Variants in GPR158 observed in about 807,000 individuals in gnomAD.
GPR158 encodes G protein-coupled receptor 158, also known as metabotropic glycine receptor.
A neutral mutation model predicts 78.2 loss-of-function variants in GPR158; 30 were observed. The ratio of observed to expected loss-of-function variants is 0.38; its 90% confidence interval spans 0.29 to 0.52. The LOEUF (loss-of-function observed/expected upper bound fraction) is 0.52. Ranked by LOEUF, GPR158 falls within the 20% of genes least tolerant of loss-of-function variation. The pLI is 0.83. For synonymous variants in GPR158, 581 were observed against 591.1 expected (o/e 0.98, Z 0.25); for missense variants, 1,463 against 1,523.5 (o/e 0.96, Z 0.66).
chr10:25,422,051 C>T (rs1834759148), intron 4 of GPR158, among the ~76,000 whole-genome samples: 2 of 152,098 alleles, frequency 1.3e-5, no homozygotes, highest in South Asian at 2.1e-4. Context: ...ATCCTCAAGT[C>T]GTTTGTTCAG....
chr10:25,399,716 A>G (rs112247816), intron 3 of GPR158, among the ~76,000 whole-genome samples: 1,645 of 152,346 alleles, frequency 0.011, 8 homozygotes, highest in Non-Finnish European at 0.016. Flanking sequence ...CTGACTAGGA[A>G]TATGAGCTCT....
intron 2 of GPR158, among the ~76,000 whole-genome samples, chr10:25,368,548 C>T (rs1242856553): frequency 6.6e-6 from 1 of 151,752 alleles, no homozygotes; most frequent in Non-Finnish European, 1.5e-5. Context: ...CCATCTGAAC[C>T]AGTAAGAATG....
intron 4 of GPR158, among the ~76,000 whole-genome samples, chr10:25,428,058 G>C (rs1306376242): frequency 6.6e-6 from 1 of 151,842 alleles, no homozygotes; most frequent in Non-Finnish European, 1.5e-5. Flanking sequence ...AAATTATGTT[G>C]GATTGCTTTA....
intron 2 of GPR158, among the ~76,000 whole-genome samples, chr10:25,326,712 G>A (rs187228737): frequency 6.6e-6 from 1 of 152,266 alleles, no homozygotes; most frequent in Non-Finnish European, 1.5e-5. Context: ...ATAATAACGT[G>A]TTGTATACTT....
chr10:25,362,976 G>T (rs10828774), intron 2 of GPR158, among the ~76,000 whole-genome samples: 99,615 of 151,588 alleles, frequency 0.66, 33,749 homozygotes, highest in Non-Finnish European at 0.75. Flanking sequence ...CACCTAAGGT[G>T]TCTCTTGTTC....
intron 5 of GPR158, among the ~76,000 whole-genome samples, chr10:25,470,852 A>G (rs1224117735): frequency 6.6e-6 from 1 of 152,154 alleles, no homozygotes; most frequent in African/African-American, 2.4e-5. Flanking sequence ...TGTTGCTACT[A>G]TAATCTTTTT....
chr10:25,467,513 T>A (rs1225725214), intron 5 of GPR158, among the ~76,000 whole-genome samples: 2 of 152,178 alleles, frequency 1.3e-5, no homozygotes, highest in Admixed American at 6.5e-5. Flanking sequence ...AATATTATGA[T>A]TTTCTTCTTT....
intron 7 of GPR158, among the ~76,000 whole-genome samples, chr10:25,576,986 A>AAAAAAAAGTC (rs1190989889): frequency 6.6e-6 from 1 of 150,792 alleles, no homozygotes; most frequent in African/African-American, 2.4e-5. Flanking sequence ...AAAAAAAAAA[A>AAAAAAAAGTC]AGTCAGGGCA....
At chr10:25,537,771 G>A (rs1836519339) in intron 5 of GPR158, among the ~76,000 whole-genome samples, 1 of 151,998 alleles carries the variant, frequency 6.6e-6, no homozygotes, top group South Asian at 2.1e-4. Flanking sequence ...TCTCATGATA[G>A]TGAGTTCTCA....
chr10:25,351,718 T>C (rs1287320163), intron 2 of GPR158, among the ~76,000 whole-genome samples: 1 of 150,748 alleles, frequency 6.6e-6, no homozygotes, highest in Admixed American at 6.6e-5. Context: ...TTCTTTTTTT[T>C]TTTTTTTAAT....
chr10:25,326,765 ATAAG>A (rs1208951899), intron 2 of GPR158, among the ~76,000 whole-genome samples: 1 of 152,132 alleles, frequency 6.6e-6, no homozygotes, highest in Non-Finnish European at 1.5e-5. Context: ...TTTACTATAA[ATAAG>A]TATATAAGGT....
At chr10:25,410,555 G>A (rs1053394345) in intron 3 of GPR158, among the ~76,000 whole-genome samples, 1 of 152,172 alleles carries the variant, frequency 6.6e-6, no homozygotes, top group Non-Finnish European at 1.5e-5. Flanking sequence ...GGCAGAGATT[G>A]CAGTGAGCCG....
intron 2 of GPR158, among the ~76,000 whole-genome samples, chr10:25,271,220 G>C: frequency 6.6e-6 from 1 of 152,046 alleles, no homozygotes; most frequent in African/African-American, 2.4e-5. Context: ...CTTCAGACTA[G>C]GTTTGTTATC....
Position 25,243,092 on chromosome 10 carries a change from G to T in GPR158, c.1008+21935G>T, listed in dbSNP as rs533007563. The stretch of plus-strand genomic sequence containing the variant: ...ACATCAAGTGCAATCTTGCCACCAC[G>T]GCCCTTAAGGCCATCTGCACGGATT... On this transcript the variant is annotated intron_variant, in intron 2 of 10. Transcript: ENST00000376351. Among the ~76,000 whole-genome samples, 3 of 152,320 alleles carry T rather than the reference G, an allele frequency of 2.0e-5. No individual in the cohort carries two copies. The South Asian group carries it at 6.2e-4, about 32-fold the overall frequency.
intron 4 of GPR158, among the ~76,000 whole-genome samples, chr10:25,455,067 T>C (rs1835272754): frequency 6.6e-6 from 1 of 152,224 alleles, no homozygotes. Context: ...TTTTCAGATA[T>C]AGTTTGACTA....
intron 4 of GPR158, among the ~76,000 whole-genome samples, chr10:25,424,071 A>G (rs920894395): frequency 7.9e-5 from 12 of 152,156 alleles, no homozygotes; most frequent in Admixed American, 5.2e-4. Context: ...GATGATTGCC[A>G]TTCTAACTGG....
chr10:25,558,098 T>C (rs1453951730), intron 6 of GPR158, among the ~76,000 whole-genome samples: 1 of 152,224 alleles, frequency 6.6e-6, no homozygotes, highest in Non-Finnish European at 1.5e-5. Context: ...GCATTACTAT[T>C]TTATGTCTAG....
At chr10:25,296,166 C>T (rs1285007071) in intron 2 of GPR158, among the ~76,000 whole-genome samples, 2 of 151,940 alleles carry the variant, frequency 1.3e-5, no homozygotes, top group African/African-American at 4.8e-5. Flanking sequence ...ACTCTCACCT[C>T]GAGGCAAGGA....
At chr10:25,305,151 C>G (rs1854652872) in intron 2 of GPR158, among the ~76,000 whole-genome samples, 1 of 152,172 alleles carries the variant, frequency 6.6e-6, no homozygotes, top group South Asian at 2.1e-4. Context: ...GCAAGGTCAC[C>G]TAAGATGGAG....
Sources: gnomAD v4.1 joint callset for allele counts (sites outside exome capture counted in the v4.1 genomes callset) on GRCh38, gnomAD v4.1.1 for gene constraint, MANE v1.5 for transcripts, NCBI Gene and HGNC (gene_info 2026-07-23, HGNC 2026-07-21) for gene names.